The following SGCD variants were observed in gnomAD, a reference collection of about 807,000 sequenced individuals.
SGCD encodes the protein delta-sarcoglycan.
A neutral mutation model predicts 36.6 loss-of-function variants in SGCD; 18 were observed. That is an observed-to-expected ratio of 0.49 (90% CI 0.34 to 0.73). SGCD has a LOEUF of 0.73. Among genes scored for constraint, SGCD ranks in the 30% least tolerant of loss-of-function variants. The pLI is 0.01. For synonymous variants in SGCD, 133 were observed against 130.6 expected, an observed-to-expected ratio of 1.02 and a Z score of -0.12; for missense variants, 387 against 346.7, an observed-to-expected ratio of 1.12 and a Z score of -0.92.
At chr5:156,230,242 A>G (rs1194510472) in intron 3 of SGCD, among the ~76,000 whole-genome samples, 1 of 151,788 alleles carries the variant, frequency 6.6e-6, no homozygotes, top group African/African-American at 2.4e-5. Flanking sequence ...TTTTTTGTGG[A>G]GTGTTAAAGA....
At chr5:156,444,185 T>C (rs1235346543) in intron 3 of SGCD, among the ~76,000 whole-genome samples, 3 of 146,020 alleles carry the variant, frequency 2.1e-5, no homozygotes, top group Non-Finnish European at 3.0e-5. Flanking sequence ...CTTCCCTCTC[T>C]CTCTCCTTCC....
intron 3 of SGCD, among the ~76,000 whole-genome samples, chr5:156,473,570 C>G (rs1755059015): frequency 6.6e-6 from 1 of 152,164 alleles, no homozygotes; most frequent in Non-Finnish European, 1.5e-5. Context: ...AAAGAAGAAC[C>G]ATAGACGAGG....
intron 4 of SGCD, among the ~76,000 whole-genome samples, chr5:156,561,840 A>G (rs985485153): frequency 6.6e-6 from 1 of 152,182 alleles, no homozygotes; most frequent in African/African-American, 2.4e-5. Flanking sequence ...CAACTCTCAC[A>G]TTCATGATCT....
At chr5:155,824,483 T>C in the SGCD span, among the ~76,000 whole-genome samples, 3 of 152,156 alleles carry the variant, frequency 2.0e-5, no homozygotes, top group African/African-American at 7.2e-5. Flanking sequence ...GTCTTTATAT[T>C]ATTAAATAAT....
At chr5:156,441,679 C>T (rs909141094) in intron 3 of SGCD, among the ~76,000 whole-genome samples, 6 of 152,076 alleles carry the variant, frequency 3.9e-5, no homozygotes, top group Admixed American at 2.6e-4. Context: ...TATCTTTCTC[C>T]ATGGGTTTTA....
chr5:156,006,190 T>TAAA (rs1758758600), intron 1 of SGCD, among the ~76,000 whole-genome samples: 1 of 152,194 alleles, frequency 6.6e-6, no homozygotes, highest in Non-Finnish European at 1.5e-5. Context: ...AGGAACCATT[T>TAAA]TGATCACATG....
intron 1 of SGCD, among the ~76,000 whole-genome samples, chr5:155,915,643 G>A (rs1017427520): frequency 1.3e-5 from 2 of 151,952 alleles, no homozygotes; most frequent in African/African-American, 2.4e-5. Flanking sequence ...TGTGGTTTAG[G>A]TTTTTCTCAC....
At chr5:156,037,114 C>T (rs974754785) in intron 1 of SGCD, among the ~76,000 whole-genome samples, 3 of 152,124 alleles carry the variant, frequency 2.0e-5, no homozygotes, top group African/African-American at 7.2e-5. Context: ...TATTTTTATT[C>T]AATTACAACA....
chr5:156,071,679 A>G (rs945657854), intron 1 of SGCD, among the ~76,000 whole-genome samples: 3 of 152,002 alleles, frequency 2.0e-5, no homozygotes, highest in African/African-American at 7.3e-5. Context: ...CAATTCCTGG[A>G]TATCCTTGTT....
the SGCD span, among the ~76,000 whole-genome samples, chr5:155,847,624 A>T: frequency 6.6e-6 from 1 of 152,076 alleles, no homozygotes; most frequent in South Asian, 2.1e-4. Flanking sequence ...ATCTCTAGGA[A>T]CTCTGAGCCA....
the SGCD span, among the ~76,000 whole-genome samples, chr5:155,739,864 A>G: frequency 2.6e-5 from 4 of 152,192 alleles, no homozygotes; most frequent in African/African-American, 4.8e-5. Context: ...TTGAGTTTAT[A>G]TTTAAACTTA....
rs1318282510 is a variant in SGCD, at chr5:156,492,523, ATAAAAT to A, written c.193-16073_193-16068del. Among the ~76,000 whole-genome samples, 5 of 152,278 alleles carry A rather than the reference ATAAAAT, an allele frequency of 3.3e-5. No homozygotes were observed. The East Asian group carries it at 5.8e-4, about 18-fold the overall frequency. On this transcript the variant is annotated intron_variant, in intron 3 of 8. Transcript: ENST00000337851. ...CAGCTTTATTTACCTATTTTAAATGATAAAATTAAATAGTATAGATATTTACTATGT... is the reference window on the plus strand; with the variant it reads ...CAGCTTTATTTACCTATTTTAAATGATAAATAGTATAGATATTTACTATGT...
intron 3 of SGCD, among the ~76,000 whole-genome samples, chr5:156,218,554 T>A (rs1209671081): frequency 6.6e-6 from 1 of 152,142 alleles, no homozygotes; most frequent in South Asian, 2.1e-4. Flanking sequence ...TAACCTGGAA[T>A]TTTGCTGACA....
At chr5:155,885,595 C>T (rs75309704) in intron 1 of SGCD, among the ~76,000 whole-genome samples, 1,790 of 152,312 alleles carry the variant, frequency 0.012, 15 homozygotes, top group Middle Eastern at 0.068. Context: ...TAGCTCTGTT[C>T]TCTGACAACA....
intron 3 of SGCD, among the ~76,000 whole-genome samples, chr5:156,185,850 TAGAG>T (rs201378824): frequency 4.6e-4 from 23 of 49,756 alleles, no homozygotes; most frequent in African/African-American, 1.0e-3. Flanking sequence ...TATATATATA[TAGAG>T]AGAGAGAGAG....
intron 7 of SGCD, among the ~76,000 whole-genome samples, chr5:156,655,339 G>C (rs1281719703): frequency 6.6e-6 from 1 of 151,606 alleles, no homozygotes; most frequent in East Asian, 1.9e-4. Flanking sequence ...GTTGTTGTTT[G>C]CTTGTTTGTT....
intron 4 of SGCD, among the ~76,000 whole-genome samples, chr5:156,580,948 T>G (rs538770906): frequency 1.3e-5 from 2 of 152,210 alleles, no homozygotes; most frequent in Non-Finnish European, 2.9e-5. Context: ...CCGTTGCTGG[T>G]GAGGAGCTGC....
intron 3 of SGCD, among the ~76,000 whole-genome samples, chr5:156,171,353 C>A (rs1166799230): frequency 2.0e-5 from 3 of 152,118 alleles, no homozygotes; most frequent in African/African-American, 7.2e-5. Context: ...ATATAAATTT[C>A]TTTTTCCAAA....
intron 6 of SGCD, among the ~76,000 whole-genome samples, chr5:156,614,541 C>T (rs757024099): frequency 2.9e-4 from 44 of 152,324 alleles, no homozygotes; most frequent in Non-Finnish European, 5.7e-4. Context: ...TCTGACCATT[C>T]GCTGATCCCT....
Sources: allele counts gnomAD v4.1 joint callset (sites outside exome capture counted in the v4.1 genomes callset), GRCh38; gene constraint gnomAD v4.1.1; transcripts MANE v1.5; gene names NCBI Gene and HGNC (gene_info 2026-07-23, HGNC 2026-07-21).